The following TMEM67 variants were observed in gnomAD, a reference collection of about 807,000 sequenced individuals.
TMEM67 encodes transmembrane protein 67.
Under a neutral mutation model 136.6 loss-of-function variants are expected in TMEM67, and 124 were observed. The ratio of observed to expected loss-of-function variants is 0.91; its 90% CI spans 0.78 to 1.05. The LOEUF is 1.05. Ranked by LOEUF, TMEM67 falls within the 50% of genes least tolerant of loss-of-function variation. TMEM67 has a pLI of 0.00. For missense variants in TMEM67, 1,107 were observed against 1,178.4 expected, an observed-to-expected ratio of 0.94 and a Z score of 0.89; for synonymous variants, 364 against 390.5, an observed-to-expected ratio of 0.93 and a Z score of 0.80.
At chr8:93,755,607 G>T (rs931776934) in intron 1 of TMEM67, among the ~76,000 whole-genome samples, 171 bp from the exon 2 acceptor site, 3 of 152,162 alleles carry the variant, frequency 2.0e-5, no homozygotes, top group Admixed American at 1.3e-4. Context: ...TGGAACTCAA[G>T]AAGTGTATTT....
At position 93,760,064 on chromosome 8, in the gene TMEM67, A is replaced by G. The variant is rs1586339840; in HGVS notation, c.406+1488A>G. ...GCATTCTTTATTTTTGGATGGGAAG[A>G]TTAAATATTAGAAAGATGCAACTCT... On this transcript the variant is annotated intron_variant, in intron 3 of 27. Coordinates refer to ENST00000453321, the MANE Select transcript of TMEM67 (RefSeq NM_153704.6). 5.2e-6 allele frequency: 6 copies of G among 1,152,042 alleles called. No individual in the cohort carries two copies. In the East Asian group the frequency reaches 2.0e-4, roughly 38 times the overall value. The allele number at this position is 1,152,042 out of a possible 1,614,324, so 71.4% of individuals were successfully genotyped here. A position where few individuals can be genotyped will look rare whatever the true frequency, so the allele number is the denominator to read the frequency against.
chr8:93,783,333 T>G (rs1281424981), intron 11 of TMEM67, among the ~76,000 whole-genome samples: 1 of 152,234 alleles, frequency 6.6e-6, no homozygotes, highest in African/African-American at 2.4e-5. Context: ...ATAAATTGTT[T>G]ATCTGCTTCT....
At chr8:93,796,200 A>G (rs1165193104) in intron 18 of TMEM67, among the ~76,000 whole-genome samples, 1 of 152,180 alleles carries the variant, frequency 6.6e-6, no homozygotes, top group Non-Finnish European at 1.5e-5. Context: ...AGAAGCCATG[A>G]ATTTGTATGG....
chr8:93,793,669 A>G (rs1814484133), intron 16 of TMEM67, among the ~76,000 whole-genome samples: 1 of 152,012 alleles, frequency 6.6e-6, no homozygotes, highest in African/African-American at 2.4e-5. Context: ...CCTTCTGTGA[A>G]CTGCCTGTTT....
intron 6 of TMEM67, among the ~76,000 whole-genome samples, chr8:93,769,079 C>A (rs1813215063): frequency 6.6e-6 from 1 of 152,094 alleles, no homozygotes. Flanking sequence ...GGAACGACAC[C>A]ACTGCCCAGC....
intron 15 of TMEM67, among the ~76,000 whole-genome samples, chr8:93,792,313 G>A (rs143365583): frequency 0.018 from 2,791 of 151,556 alleles, 86 homozygotes; most frequent in African/African-American, 0.062. Context: ...CTGGGATTAC[G>A]GGCACACACC....
Position 93,808,888 on chromosome 8 carries a change from A to G in TMEM67, c.2488A>G (p.Thr830Ala), listed in dbSNP as rs750143501. ...RGLVPNTDGQ[T>A]FEIAISNQMR... ...TTTGGTACCCAACACAGATGGTCAGACTTTTGAGATTGCAATTTCTAACCA... is the reference window on the plus strand; with the variant it reads ...TTTGGTACCCAACACAGATGGTCAGGCTTTTGAGATTGCAATTTCTAACCA... Residue 830 changes from threonine to alanine, a missense_variant, in exon 24 of 28, where the codon ACT becomes GCT. Physicochemically the swap from Thr to Ala is moderately conservative, Grantham distance 58. Coordinates refer to ENST00000453321, the MANE Select transcript of TMEM67 (RefSeq NM_153704.6). 1.2e-6 allele frequency: 2 copies of G among 1,613,118 alleles called. No homozygotes were observed.
At chr8:93,808,547 T>TATATCTATAATCTATAC in intron 23 of TMEM67, among the ~76,000 whole-genome samples, 1 of 4,484 alleles carries the variant, frequency 2.2e-4, no homozygotes, top group African/African-American at 7.2e-4. Flanking sequence ...ATAATCTATA[T>TATATCTATAATCTATAC]ATATCTATAA....
intron 22 of TMEM67, among the ~76,000 whole-genome samples, chr8:93,804,481 ATTTT>A (rs59657661): frequency 2.3e-5 from 2 of 87,152 alleles, no homozygotes; most frequent in Admixed American, 1.2e-4. Flanking sequence ...ACACTCAGCT[ATTTT>A]TTTTTTTTTT....
chr8:93,789,955 G>C (rs1156357589), intron 14 of TMEM67, among the ~76,000 whole-genome samples: 2 of 151,790 alleles, frequency 1.3e-5, no homozygotes, highest in African/African-American at 2.4e-5. Flanking sequence ...GCAGGTACCT[G>C]TAATCCCAGC....
chr8:93,794,838 C>T (rs2130725163), intron 16 of TMEM67: 1 of 161,896 alleles, frequency 6.2e-6, no homozygotes, highest in Non-Finnish European at 1.4e-5. Flanking sequence ...ATCATGAGAA[C>T]TTACCAGAGA....
At chr8:93,819,074 A>T, downstream of TMEM67, 1 of 452,884 alleles carries the variant, frequency 2.2e-6, no homozygotes, top group Non-Finnish European at 4.4e-6. Flanking sequence ...AAGTGCTGGG[A>T]TTACAGGTGT....
intron 10 of TMEM67, 98 bp from the exon 11 acceptor site, chr8:93,782,297 A>G (rs1476752078): frequency 3.5e-6 from 3 of 846,142 alleles, no homozygotes; most frequent in Middle Eastern, 2.5e-4. Flanking sequence ...TTAAATAAGT[A>G]TTATGTAGAG....
chr8:93,823,713 A>T (rs1004056041), downstream of TMEM67, among the ~76,000 whole-genome samples: 18 of 152,204 alleles, frequency 1.2e-4, 1 homozygote, highest in Non-Finnish European at 2.9e-5. Context: ...AATTGACCAG[A>T]TTCGAAAAGG....
intron 14 of TMEM67, among the ~76,000 whole-genome samples, chr8:93,789,396 G>A (rs189456810): frequency 3.9e-4 from 60 of 152,162 alleles, no homozygotes; most frequent in African/African-American, 1.3e-3. Flanking sequence ...AAGACTGCCT[G>A]GTTTAAAACT....
At position 93,816,429 on chromosome 8, in the gene TMEM67, G is replaced by A; in HGVS notation, c.2965G>A (p.Val989Met). ...AAAGAATTTGGCATCCAAAACATTG[G>A]TGGATCAAAGATTTTTGATTTAACT... Reference protein sequence around the residue: ...GQKNLASKTLVDQRFLI With the variant: ...GQKNLASKTLMDQRFLI The change falls in exon 28 of 28, where the codon GTG (valine) becomes ATG (methionine). Residue 989 changes from valine to methionine, a missense_variant. This residue lies in a region of TMEM67 where 925 missense variants were observed against 1,002.4 expected (regional missense o/e 0.92). Transcript: ENST00000453321. 3.1e-6 allele frequency: 5 copies of A among 1,595,668 alleles called. No individual in the cohort carries two copies. Among genetic ancestry groups the A allele is most frequent in the Non-Finnish European group, 4.3e-6 (5 of 1,165,148 alleles).
chr8:93,772,948 C>T (rs1245261112), intron 7 of TMEM67, among the ~76,000 whole-genome samples: 2 of 152,016 alleles, frequency 1.3e-5, no homozygotes, highest in Non-Finnish European at 2.9e-5. Flanking sequence ...ATTCTTAAAT[C>T]AGGTTAGATA....
chr8:93,760,022 G>T, intron 3 of TMEM67: 2 of 1,432,978 alleles, frequency 1.4e-6, no homozygotes, highest in East Asian at 2.8e-5. Context: ...TATGAAGGCA[G>T]GCTTTTAAGT....
chr8:93,818,347 A>T (rs1217880450), downstream of TMEM67, among the ~76,000 whole-genome samples: 1 of 152,158 alleles, frequency 6.6e-6, no homozygotes, highest in Non-Finnish European at 1.5e-5. Flanking sequence ...TGTACTTTGG[A>T]TGCTCCTTAG....
Sources: gnomAD v4.1 joint callset for allele counts (sites outside exome capture counted in the v4.1 genomes callset) on GRCh38, gnomAD v4.1.1 for gene constraint, gnomAD v4.1.1 regional missense constraint, MANE v1.5 for transcripts, NCBI Gene and HGNC (gene_info 2026-07-23, HGNC 2026-07-21) for gene names.